LRRC66: variants seen among roughly 807,000 people sequenced by gnomAD.
The protein encoded by LRRC66 is leucine rich repeat containing 66.
A neutral mutation model predicts 24.6 loss-of-function variants in LRRC66; 29 were observed. The ratio of observed to expected loss-of-function variants is 1.18; its 90% CI spans 0.88 to 1.61. The LOEUF (loss-of-function observed/expected upper bound fraction) is 1.61, where lower values mean the gene tolerates loss of function less well. Among genes scored for constraint, LRRC66 ranks in the 40% most tolerant of loss-of-function variants. The pLI, the probability that LRRC66 is intolerant of heterozygous loss-of-function variation, is 0.00. For synonymous variants in LRRC66, 411 were observed against 397.6 expected (o/e 1.03, Z -0.40); for missense variants, 1,124 against 1,058.0 (o/e 1.06, Z -0.87).
chr4:51,994,863 C>T lies in LRRC66; in HGVS notation c.2159G>A (p.Ser720Asn), dbSNP rs1195403677. 6.2e-7 allele frequency: 1 copy of T among 1,614,072 alleles called. No homozygotes were observed. Among genetic ancestry groups the T allele is most frequent in the Non-Finnish European group, 8.5e-7 (1 of 1,180,028 alleles). ...TGCCTCTTCAGTCTTGCTCCTTGCA[C>T]TCTCTGAACTTATGGAGCTCAGAGT... The part of the protein sequence containing the change: ...LFTLSSISSE[S>N]ARSKTEEAVP... Residue 720 changes from serine (S) to asparagine (N), a missense_variant, in exon 5 of 5, where the codon AGT becomes AAT. By Grantham distance (46) the Ser-to-Asn change is conservative (BLOSUM62 1). Transcript: ENST00000682860.
chr4:51,995,367 G>C lies in LRRC66; in HGVS notation c.1655C>G (p.Ser552Ter). The C allele has an allele frequency of 6.2e-7, 1 of 1,614,200 alleles. No individual in the cohort carries two copies. The highest frequency in any genetic ancestry group is 8.5e-7 in the Non-Finnish European group (1 of 1,180,038). Residue 552 changes from serine (S) to a stop codon, truncating the protein, a stop_gained, in exon 5 of 5, where the codon TCA (serine) becomes TGA (stop). Transcript: ENST00000682860. LOFTEE classifies it low-confidence loss of function (END_TRUNC). ...GCCAGCTACAGAAGAGACGCCCACTGAATGTGCACTGAGAGGCTCTTCCTG... is the reference window on the plus strand; with the variant it reads ...GCCAGCTACAGAAGAGACGCCCACTCAATGTGCACTGAGAGGCTCTTCCTG... ...VAQEEPLSAH[S>*]VGVSSVAGTS...
intron 2 of LRRC66, among the ~76,000 whole-genome samples, chr4:52,014,396 A>C (rs1289378721): frequency 2.6e-5 from 4 of 152,264 alleles, no homozygotes; most frequent in Non-Finnish European, 4.4e-5. Flanking sequence ...ATTCTGAAGT[A>C]GTTTTCATAT....
intron 3 of LRRC66, among the ~76,000 whole-genome samples, chr4:51,999,118 C>T (rs1736389144): frequency 2.0e-5 from 3 of 152,090 alleles, no homozygotes; most frequent in South Asian, 4.2e-4. Flanking sequence ...GGGGCAGAGG[C>T]ACCAGGGTGG....
rs1736239403 is a variant in LRRC66, at chr4:51,994,463, C to T, written c.2559G>A (p.Gln853=). The T allele has an allele frequency of 6.2e-7, 1 of 1,614,092 alleles. No homozygotes were observed. Among genetic ancestry groups the T allele is most frequent in the Admixed American group, 1.7e-5 (1 of 60,010 alleles). Residue 853 remains glutamine (Q), a synonymous_variant, in exon 5 of 5, where the codon CAG becomes CAA. Transcript: ENST00000682860. The part of the protein sequence containing the change: ...DLEFSNVDVL[Q]QTPPCSAEVP... ...CTTCAGCAGAACATGGTGGTGTTTGCTGTAAAACGTCCACATTTGAAAATT... is the reference window on the plus strand; with the variant it reads ...CTTCAGCAGAACATGGTGGTGTTTGTTGTAAAACGTCCACATTTGAAAATT...
chr4:51,998,014 C>T, intron 3 of LRRC66, 77 bp from the exon 4 acceptor site: 1 of 1,278,874 alleles, frequency 7.8e-7, no homozygotes, highest in Admixed American at 1.9e-5. Context: ...TTACAGAAAA[C>T]TACTGTTTAT....
At chr4:51,998,003 G>A in intron 3 of LRRC66, 66 bp from the exon 4 acceptor site, 1 of 1,402,054 alleles carries the variant, frequency 7.1e-7, no homozygotes, top group African/African-American at 1.4e-5. Context: ...AAATAAATGA[G>A]TTACAGAAAA....
intron 2 of LRRC66, among the ~76,000 whole-genome samples, chr4:52,006,047 G>A (rs936582191): frequency 1.3e-5 from 2 of 152,326 alleles, no homozygotes; most frequent in African/African-American, 4.8e-5. Flanking sequence ...ATATAAGGAT[G>A]TGAACTCATG....
intron 3 of LRRC66, among the ~76,000 whole-genome samples, chr4:52,001,786 C>A (rs940884885): frequency 6.6e-6 from 1 of 152,114 alleles, no homozygotes; most frequent in Non-Finnish European, 1.5e-5. Context: ...ACTCCAGGAG[C>A]CATTCTGGTT....
intron 4 of LRRC66, among the ~76,000 whole-genome samples, chr4:51,997,285 TTA>T (rs367855221): frequency 9.0e-4 from 137 of 152,360 alleles, no homozygotes; most frequent in African/African-American, 2.9e-3. Flanking sequence ...GATCACACTT[TTA>T]GAGTGTTAGC....
intron 3 of LRRC66, among the ~76,000 whole-genome samples, chr4:52,001,358 G>C (rs1560558330): frequency 6.6e-6 from 1 of 152,188 alleles, no homozygotes; most frequent in Non-Finnish European, 1.5e-5. Flanking sequence ...GGGAGGACTT[G>C]AGGTGAAAAC....
At chr4:52,009,189 A>G (rs1310388182) in intron 2 of LRRC66, among the ~76,000 whole-genome samples, 1 of 152,170 alleles carries the variant, frequency 6.6e-6, no homozygotes, top group Non-Finnish European at 1.5e-5. Context: ...ATTTTGACTC[A>G]ACTAAAAATG....
In LRRC66 at chr4:52,003,144, C is replaced by T; in HGVS notation, c.666+79G>A. On this transcript the variant is annotated intron_variant, in intron 3 of 4. Transcript: ENST00000682860. ...GCCAGTACTACTGGACATGAAGAAA[C>T]TCTTCAATAGAAATATGCTTCTAAT... 3.5e-6 allele frequency: 4 copies of T among 1,149,748 alleles called. No homozygotes were observed. In the Admixed American group the frequency reaches 9.7e-5, roughly 28 times the overall value. The allele number at this position is 1,149,748 out of a possible 1,614,324, so 71.2% of individuals were successfully genotyped here. A position where few individuals can be genotyped will look rare whatever the true frequency, so the allele number is the denominator to read the frequency against.
In LRRC66 at chr4:51,995,783, G is replaced by A. The variant is rs544200272; in HGVS notation, c.1239C>T (p.Ser413=). The part of the protein sequence containing the change: ...RLWQKKCQSK[S]PGLDNAYSNE... ...TTGAATACGCGTTGTCCAGGCCAGG[G>A]CTTTTGCTCTGGCACTTTTTTTGCC... is the stretch of plus-strand genomic sequence containing the variant. Residue 413 remains serine (S), a synonymous_variant, in exon 5 of 5, where the codon AGC becomes AGT. Transcript: ENST00000682860. 4 of 1,614,124 alleles carry A rather than the reference G, an allele frequency of 2.5e-6. No individual in the cohort carries two copies. The Admixed American group carries it at 6.7e-5, about 27-fold the overall frequency.
At chr4:52,016,420 G>A (rs372996077) in intron 2 of LRRC66, among the ~76,000 whole-genome samples, 23 of 152,244 alleles carry the variant, frequency 1.5e-4, no homozygotes, top group African/African-American at 5.5e-4. Flanking sequence ...TAATTGTCTA[G>A]CACTCTGGAA....
chr4:52,003,521 T>A lies in LRRC66; in HGVS notation c.497-129A>T. 4.5e-6 allele frequency: 3 copies of A among 670,070 alleles called. No individual in the cohort carries two copies. The South Asian group carries it at 6.3e-5, about 14-fold the overall frequency. 41.5% of individuals were successfully genotyped at this position (670,070 alleles called of 1,614,324 possible). Reference sequence around the variant, plus strand: ...AGGTATTGTTAAACAACGTATGGTATATTAATACTATGAAATAATATGTGG... The same window carrying A: ...AGGTATTGTTAAACAACGTATGGTAAATTAATACTATGAAATAATATGTGG... On this transcript the variant is annotated intron_variant, in intron 2 of 4. Transcript: ENST00000682860.
rs777618171 is a variant in LRRC66 at position 51,994,872 on chromosome 4, CTTATGGAGCTCAGAG to C, written c.2135_2149del (p.Thr712_Ile716del). 6.2e-7 allele frequency: 1 copy of C among 1,614,192 alleles called. No individual in the cohort carries two copies. The highest frequency in any genetic ancestry group is 8.5e-7 in the Non-Finnish European group (1 of 1,180,040). On this transcript the variant is annotated inframe_deletion, in exon 5 of 5. Transcript: ENST00000682860. ...AGTCTTGCTCCTTGCACTCTCTGAA[CTTATGGAGCTCAGAG>C]TGAACAGAGACCCCTCATCAGAGTC...
Position 52,017,593 on chromosome 4 carries a change from T to C in LRRC66, c.21A>G (p.Arg7=). 6.4e-7 allele frequency: 1 copy of C among 1,574,430 alleles called. No individual in the cohort carries two copies. The highest frequency in any genetic ancestry group is 8.6e-7 in the Non-Finnish European group (1 of 1,167,062). ...AAAGACCTATAACTATGGTAATGAC[T>C]CTGAAATAGAGGTTTTTCATAATGC... MKNLYF[R]VITIVIGLYF... is the part of the protein sequence containing the mutation. The change falls in exon 2 of 5, where the codon AGA becomes AGG. Residue 7 remains arginine, a synonymous_variant. Transcript: ENST00000682860.
rs1736496427 is a variant in LRRC66 at position 52,003,281 on chromosome 4, T to G, written c.608A>C (p.Lys203Thr). Residue 203 changes from lysine (K) to threonine (T), a missense_variant, in exon 3 of 5, where the codon AAG (lysine) becomes ACG (threonine). Lys to Thr is a moderately conservative substitution (Grantham distance 78, BLOSUM62 -1). Transcript: ENST00000682860. ...NCLQLENLCL[K>T]SNKIFKIPPQ... Reference sequence around the variant, plus strand: ...GGGAATTTTGAATATCTTGTTGCTCTTTAAACAGAGATTCTCCAGTTGCAG... The same window carrying G: ...GGGAATTTTGAATATCTTGTTGCTCGTTAAACAGAGATTCTCCAGTTGCAG... 1 of 1,614,008 alleles carries G rather than the reference T, an allele frequency of 6.2e-7. No homozygotes were observed. The highest frequency in any genetic ancestry group is 8.5e-7 in the Non-Finnish European group (1 of 1,179,936).
chr4:52,001,602 G>A (rs1291625047), intron 3 of LRRC66, among the ~76,000 whole-genome samples: 4 of 152,232 alleles, frequency 2.6e-5, no homozygotes, highest in Non-Finnish European at 5.9e-5. Flanking sequence ...AACTCTGAGA[G>A]GAACTAAATT....
Sources: gnomAD v4.1 joint callset for allele counts (sites outside exome capture counted in the v4.1 genomes callset) on GRCh38, gnomAD v4.1.1 for gene constraint, MANE v1.5 for transcripts, NCBI Gene and HGNC (gene_info 2026-07-23, HGNC 2026-07-21) for gene names.